SPINT2: variants seen among roughly 807,000 people sequenced by gnomAD.
SPINT2 encodes the protein serine peptidase inhibitor, Kunitz type 2, also known as kunitz-type protease inhibitor 2.
In SPINT2, 18 loss-of-function variants were observed where a neutral mutation model predicts 30.1. The observed-to-expected ratio is 0.60, with a 90% confidence interval of 0.41 to 0.89. The LOEUF is 0.89. SPINT2 is among the 40% of genes least tolerant of loss of function. The pLI is 0.00. For synonymous variants in SPINT2, 139 were observed against 137.9 expected (o/e 1.01, Z -0.05); for missense variants, 276 against 334.3 (o/e 0.83, Z 1.36).
At chr19:38,272,453 C>A (rs1175585985) in intron 1 of SPINT2, among the ~76,000 whole-genome samples, 1 of 152,112 alleles carries the variant, frequency 6.6e-6, no homozygotes, top group African/African-American at 2.4e-5. Context: ...AAACACCATT[C>A]CAGAGAGAGG....
At chr19:38,265,618 T>C (rs1968368970) in intron 1 of SPINT2, 1 of 152,382 alleles carries the variant, frequency 6.6e-6, no homozygotes, top group Admixed American at 6.5e-5. Context: ...GGTCTTTGGA[T>C]TGGCCCTTAG....
chr19:38,266,203 G>A (rs1363503956), intron 1 of SPINT2, among the ~76,000 whole-genome samples: 1 of 152,156 alleles, frequency 6.6e-6, no homozygotes, highest in Admixed American at 6.5e-5. Context: ...TGGAGCAGGC[G>A]TGAAGGAGGG....
At chr19:38,282,468 T>A (rs1199296111) in intron 1 of SPINT2, among the ~76,000 whole-genome samples, 1 of 152,214 alleles carries the variant, frequency 6.6e-6, no homozygotes. Flanking sequence ...CCAGGCTGTT[T>A]TCTTTTCAGG....
intron 1 of SPINT2, among the ~76,000 whole-genome samples, chr19:38,279,692 C>T (rs1236067029): frequency 3.3e-5 from 5 of 152,224 alleles, no homozygotes; most frequent in Non-Finnish European, 4.4e-5. Context: ...GTTGCTCTGT[C>T]GCCCAGGCTG....
At chr19:38,291,611 C>T in intron 6 of SPINT2, 1 of 563,572 alleles carries the variant, frequency 1.8e-6, no homozygotes, top group Non-Finnish European at 3.1e-6. Context: ...CACGGCCACT[C>T]TGCTGGCACG....
chr19:38,276,291 C>T (rs978038643), intron 1 of SPINT2, among the ~76,000 whole-genome samples: 2 of 152,130 alleles, frequency 1.3e-5, no homozygotes, highest in African/African-American at 4.8e-5. Flanking sequence ...TCATAGCACT[C>T]ATGGGAGTCT....
At position 38,283,812 on chromosome 19, in the gene SPINT2, G is replaced by C. The variant is rs1568342263; in HGVS notation, c.277+15G>C. ...CACTGTCACAGGTGAGATGGCAGTA[G>C]TTGGAGCTTTTGTTTTTTTCCTTTT... On this transcript the variant is annotated intron_variant, in intron 2 of 6. Coordinates refer to ENST00000301244, the MANE Select transcript of SPINT2 (RefSeq NM_021102.4). 9.4e-7 allele frequency: 1 copy of C among 1,059,500 alleles called. No homozygotes were observed. The highest frequency in any genetic ancestry group is 1.8e-5 in the Admixed American group (1 of 55,378). 65.6% of individuals were successfully genotyped at this position (1,059,500 alleles called of 1,614,324 possible). A position where few individuals can be genotyped will look rare whatever the true frequency, so the allele number is the denominator to read the frequency against.
chr19:38,290,476 C>G lies in SPINT2; in HGVS notation c.554-61C>G. 2.5e-6 allele frequency: 4 copies of G among 1,613,544 alleles called. No homozygotes were observed. Among genetic ancestry groups the G allele is most frequent in the Non-Finnish European group, 3.4e-6 (4 of 1,179,728 alleles). On this transcript the variant is annotated intron_variant, in intron 5 of 6. Coordinates refer to ENST00000301244, the MANE Select transcript of SPINT2 (RefSeq NM_021102.4). The surrounding 1 kb of genome is among the most constrained non-coding windows in gnomAD (Gnocchi z 4.3). ...TGGAGGCCCTGGCTGAGGGGATCCC[C>G]TGCGGCAGCTCTGTGGAATGGGGGC...
intron 1 of SPINT2, among the ~76,000 whole-genome samples, chr19:38,280,114 G>A (rs570918051): frequency 6.6e-6 from 1 of 152,232 alleles, no homozygotes; most frequent in South Asian, 2.1e-4. Context: ...ACACAGAATG[G>A]CTTCCCAGGC....
chr19:38,265,096 T>A, intron 1 of SPINT2, 98 bp downstream of exon 1: 3 of 772,108 alleles, frequency 3.9e-6, no homozygotes, highest in Non-Finnish European at 5.7e-6. Flanking sequence ...GGGAGGAAAC[T>A]GGGGGCTACT....
At chr19:38,265,095 C>G in intron 1 of SPINT2, 97 bp downstream of exon 1, 2 of 987,146 alleles carry the variant, frequency 2.0e-6, no homozygotes, top group Non-Finnish European at 2.9e-6. Flanking sequence ...GGGGAGGAAA[C>G]TGGGGGCTAC....
intron 1 of SPINT2, among the ~76,000 whole-genome samples, chr19:38,272,335 A>G (rs1486220865): frequency 6.6e-6 from 1 of 152,246 alleles, no homozygotes; most frequent in Non-Finnish European, 1.5e-5. Flanking sequence ...GGGCCGCTCT[A>G]CATGAATAGA....
intron 2 of SPINT2, among the ~76,000 whole-genome samples, chr19:38,285,045 A>C (rs1179125870): frequency 6.6e-6 from 1 of 152,148 alleles, no homozygotes; most frequent in African/African-American, 2.4e-5. Context: ...ATTGTGGGAC[A>C]AGTGACTTGA....
chr19:38,276,842 C>T (rs1968524531), intron 1 of SPINT2, among the ~76,000 whole-genome samples: 1 of 151,552 alleles, frequency 6.6e-6, no homozygotes, highest in African/African-American at 2.4e-5. Context: ...GCTTTGTTGC[C>T]CAGGCTGGAG....
chr19:38,277,627 C>T (rs76204462), intron 1 of SPINT2, among the ~76,000 whole-genome samples: 1,679 of 152,260 alleles, frequency 0.011, 12 homozygotes, highest in Non-Finnish European at 0.018. Flanking sequence ...TCTTAGTCAC[C>T]GGCTGATTGT....
intron 1 of SPINT2, among the ~76,000 whole-genome samples, chr19:38,278,116 C>G (rs1968540460): frequency 1.3e-5 from 2 of 152,130 alleles, no homozygotes; most frequent in South Asian, 2.1e-4. Flanking sequence ...CAGCCCATTT[C>G]CCCCCCAGCC....
At chr19:38,276,949 T>G (rs1968527876) in intron 1 of SPINT2, among the ~76,000 whole-genome samples, 1 of 151,848 alleles carries the variant, frequency 6.6e-6, no homozygotes, top group South Asian at 2.1e-4. Context: ...TACAGGCACG[T>G]GCTACCACAC....
chr19:38,269,654 A>G (rs1327906613), intron 1 of SPINT2, among the ~76,000 whole-genome samples: 4 of 133,614 alleles, frequency 3.0e-5, no homozygotes, highest in Non-Finnish European at 6.1e-5. Context: ...TCTGTCGCCC[A>G]GGCCGGAGTG....
rs779932919 is a variant in SPINT2, at chr19:38,290,198, C to T, written c.471C>T (p.Ser157=). The change falls in exon 5 of 7, where the codon TCC becomes TCT. Residue 157 remains serine (S), a synonymous_variant. Coordinates refer to ENST00000301244, the MANE Select transcript of SPINT2 (RefSeq NM_021102.4). This position sits in a 1 kb window ranked among gnomAD's most constrained non-coding sequence, Gnocchi z 4.3. ...PRWYFDVERN[S]CNNFIYGGCR... ...GGTACTTTGACGTGGAGAGGAACTC[C>T]TGCAATAACTTCATCTATGGAGGCT... The T allele has an allele frequency of 1.9e-6, 3 of 1,612,576 alleles. No individual in the cohort carries two copies. The highest frequency in any genetic ancestry group is 2.5e-6 in the Non-Finnish European group (3 of 1,180,026).
Sources: allele counts gnomAD v4.1 joint callset (sites outside exome capture counted in the v4.1 genomes callset), GRCh38; gene constraint gnomAD v4.1.1; non-coding constraint Gnocchi (gnomAD v3.1); transcripts MANE v1.5; gene names NCBI Gene and HGNC (gene_info 2026-07-23, HGNC 2026-07-21).